TRIM45: variants seen among roughly 807,000 people sequenced by gnomAD.
TRIM45 encodes tripartite motif containing 45, also known as E3 ubiquitin-protein ligase TRIM45.
In TRIM45, 45 loss-of-function variants were observed where a neutral mutation model predicts 46.7. The ratio of observed to expected loss-of-function variants is 0.96; its 90% confidence interval spans 0.76 to 1.24. The LOEUF (loss-of-function observed/expected upper bound fraction) is 1.24. Among genes scored for constraint, TRIM45 ranks in the 50% most tolerant of loss-of-function variants. TRIM45 has a pLI of 0.00. For synonymous variants in TRIM45, 259 were observed against 285.8 expected, an observed-to-expected ratio of 0.91 and a Z score of 0.94; for missense variants, 680 against 728.4, an observed-to-expected ratio of 0.93 and a Z score of 0.77.
At position 117,115,299 on chromosome 1, in the gene TRIM45, A is replaced by G. The variant is rs982364412; in HGVS notation, c.1467+276T>C. 6.6e-6 allele frequency among the ~76,000 whole-genome samples: 1 copy of G among 152,186 alleles called. No individual in the cohort carries two copies. Among genetic ancestry groups the G allele is most frequent in the Non-Finnish European group, 1.5e-5 (1 of 68,024 alleles). On this transcript the variant is annotated intron_variant, in intron 4 of 5. Transcript: ENST00000256649. The surrounding 1 kb of genome is among the most constrained non-coding windows in gnomAD (Gnocchi z 4.2). ...GCAGATCACCCCCTGTGATCAAGAC[A>G]TCTTCTCCATATTAAGAATCCTAAG...
chr1:117,118,713 G>A lies in TRIM45; in HGVS notation c.543C>T (p.Gly181=), dbSNP rs1276157811. 6.2e-7 allele frequency: 1 copy of A among 1,613,560 alleles called. No individual in the cohort carries two copies. Among genetic ancestry groups the A allele is most frequent in the African/African-American group, 1.3e-5 (1 of 74,958 alleles). Residue 181 remains glycine, a synonymous_variant, in exon 2 of 6, where the codon GGC becomes GGT. Transcript: ENST00000256649. This position sits in a 1 kb window ranked among gnomAD's most constrained non-coding sequence, Gnocchi z 5.7. The stretch of plus-strand genomic sequence containing the variant: ...GGATGGGCTTCCCAATCCGGCTGTA[G>A]CCTTTCAAGTCTTTTAGGTCCACCA... ...HTMVDLKDLK[G]YSRIGKPILC...
Position 117,113,228 on chromosome 1 carries a change from AC to A in TRIM45, c.1594+130del. 1 of 1,304,138 alleles carries A rather than the reference AC, an allele frequency of 7.7e-7. No homozygotes were observed. The highest frequency in any genetic ancestry group is 1.1e-6 in the Non-Finnish European group (1 of 947,042). 80.8% of individuals were successfully genotyped at this position (1,304,138 alleles called of 1,614,324 possible). A position where few individuals can be genotyped will look rare whatever the true frequency, so the allele number is the denominator to read the frequency against. ...ACACTTTTAGAACAGTGGTGTCTCT[AC>A]AATCACAGACTGTGCTTCCTAGAAA... On this transcript the variant is annotated intron_variant, in intron 5 of 5. Transcript: ENST00000256649. This position sits in a 1 kb window ranked among gnomAD's most constrained non-coding sequence, Gnocchi z 4.0.
chr1:117,112,181 C>T lies in TRIM45; in HGVS notation c.*124G>A. 7 of 1,016,624 alleles carry T rather than the reference C, an allele frequency of 6.9e-6. No individual in the cohort carries two copies. Among genetic ancestry groups the T allele is most frequent in the Non-Finnish European group, 9.1e-6 (7 of 765,470 alleles). 63.0% of individuals were successfully genotyped at this position (1,016,624 alleles called of 1,614,324 possible). ...TAACTAACAAAAGAGCACTTGAACT[C>T]CAGTGCAAGATAAGGCACTTTGTTT... On this transcript the variant is annotated 3_prime_UTR_variant, in exon 6 of 6. Coordinates refer to ENST00000256649, the MANE Select transcript of TRIM45 (RefSeq NM_025188.4).
chr1:117,111,445 T>G lies in TRIM45; in HGVS notation c.*860A>C, dbSNP rs1650205186. The G allele has an allele frequency of 6.6e-6, 1 of 152,230 alleles. No homozygotes were observed. Among genetic ancestry groups the G allele is most frequent in the Non-Finnish European group, 1.5e-5 (1 of 68,014 alleles). The allele number at this position is 152,230 out of a possible 1,614,324, so 9.4% of individuals were successfully genotyped here. A position where few individuals can be genotyped will look rare whatever the true frequency, so the allele number is the denominator to read the frequency against. ...TATGCCCTTGACCAAAGAGTAATCT[T>G]CCAGGCTTTGGGGCAGAAGGCTGTC... On this transcript the variant is annotated 3_prime_UTR_variant, in exon 6 of 6. Coordinates refer to ENST00000256649, the MANE Select transcript of TRIM45 (RefSeq NM_025188.4).
Position 117,121,549 on chromosome 1 carries a change from A to ACCCCCCACCCCCCCCCCCC in TRIM45, c.-349_-348insGGGGGGGGGGGGTGGGGGG. 1 of 433,528 alleles carries ACCCCCCACCCCCCCCCCCC rather than the reference A, an allele frequency of 2.3e-6. No homozygotes were observed. Among genetic ancestry groups the ACCCCCCACCCCCCCCCCCC allele is most frequent in the Non-Finnish European group, 4.1e-6 (1 of 244,144 alleles). 26.9% of individuals were successfully genotyped at this position (433,528 alleles called of 1,614,324 possible). ...TGCACCTCTCGCTCCCTCCACTGCC[A>ACCCCCCACCCCCCCCCCCC]CCCCCCTCCCGCCGCCCGCCCCACT... On this transcript the variant is annotated 5_prime_UTR_variant, in exon 1 of 6. Coordinates refer to ENST00000256649, the MANE Select transcript of TRIM45 (RefSeq NM_025188.4). The surrounding 1 kb of genome is among the most constrained non-coding windows in gnomAD (Gnocchi z 4.2).
chr1:117,120,977 C>T lies in TRIM45; in HGVS notation c.225G>A (p.Gly75=), dbSNP rs533703990. ...RGGDSDTSSE[G]SIFQELKPRS... is the part of the protein sequence containing the mutation. ...GTGGCTTGAGTTCCTGGAATATTGA[C>T]CCCTCAGAGCTTGTGTCAGAGTCTC... Residue 75 remains glycine, a synonymous_variant, in exon 1 of 6, where the codon GGG becomes GGA. Transcript: ENST00000256649. 33 of 1,614,196 alleles carry T rather than the reference C, an allele frequency of 2.0e-5. No individual in the cohort carries two copies. Among genetic ancestry groups the T allele is most frequent in the Admixed American group, 1.8e-4 (11 of 60,030 alleles).
intron 1 of TRIM45, among the ~76,000 whole-genome samples, chr1:117,119,947 G>A (rs1356376572): frequency 2.6e-5 from 4 of 152,166 alleles, no homozygotes; most frequent in Non-Finnish European, 5.9e-5. Flanking sequence ...AGTAGAACCC[G>A]AAACCTATTT....
rs1650455171 is a variant in TRIM45, at chr1:117,117,686, C to A, written c.1222+348G>T. 6.6e-6 allele frequency among the ~76,000 whole-genome samples: 1 copy of A among 152,216 alleles called. No individual in the cohort carries two copies. The highest frequency in any genetic ancestry group is 1.9e-4 in the East Asian group (1 of 5,194). ...AATCCAGGGCCTGCCATGCTCCTCTCTGAGCAGGCAGAATTTCACCTGGCC... is the reference window on the plus strand; with the variant it reads ...AATCCAGGGCCTGCCATGCTCCTCTATGAGCAGGCAGAATTTCACCTGGCC... On this transcript the variant is annotated intron_variant, in intron 2 of 5. Coordinates refer to ENST00000256649, the MANE Select transcript of TRIM45 (RefSeq NM_025188.4). This position sits in a 1 kb window ranked among gnomAD's most constrained non-coding sequence, Gnocchi z 4.9.
Position 117,118,124 on chromosome 1 carries a change from C to G in TRIM45, c.1132G>C (p.Glu378Gln). Reference sequence around the variant, plus strand: ...TAGCCACGGCACTGGCCTGCTTTCTCCTGAGGACAGAAGCGTATCTTATCA... The same window carrying G: ...TAGCCACGGCACTGGCCTGCTTTCTGCTGAGGACAGAAGCGTATCTTATCA... ...VNDKIRFCPQ[E>Q]KAGQCRGYEI... The change falls in exon 2 of 6, where the codon GAG (glutamate) becomes CAG (glutamine). Residue 378 changes from glutamate (E) to glutamine (Q), a missense_variant. Physicochemically the swap from Glu to Gln is conservative, Grantham distance 29. Transcript: ENST00000256649. The surrounding 1 kb of genome is among the most constrained non-coding windows in gnomAD (Gnocchi z 5.7). 6.2e-7 allele frequency: 1 copy of G among 1,614,232 alleles called. No individual in the cohort carries two copies. The highest frequency in any genetic ancestry group is 8.5e-7 in the Non-Finnish European group (1 of 1,180,046).
upstream of TRIM45, chr1:117,121,913 G>A: frequency 1.4e-6 from 1 of 707,056 alleles, no homozygotes; most frequent in Admixed American, 2.1e-5. The surrounding 1 kb of genome is among the most constrained non-coding windows in gnomAD (Gnocchi z 4.2). Context: ...CTCACGCGGG[G>A]GGCGGGACCT....
Position 117,111,290 on chromosome 1 carries a change from A to G in TRIM45, c.*1015T>C, listed in dbSNP as rs980061413. On this transcript the variant is annotated 3_prime_UTR_variant, in exon 6 of 6. Transcript: ENST00000256649. ...TATAGATAACAGTGAAGACTACTCT[A>G]AAGACTACTCTACTAAAAAACAGAG... The G allele has an allele frequency of 1.3e-5, 2 of 152,236 alleles. No individual in the cohort carries two copies. The highest frequency in any genetic ancestry group is 4.8e-5 in the African/African-American group (2 of 41,458). 9.4% of individuals were successfully genotyped at this position (152,236 alleles called of 1,614,324 possible). A position where few individuals can be genotyped will look rare whatever the true frequency, so the allele number is the denominator to read the frequency against.
Position 117,121,281 on chromosome 1 carries a change from A to C in TRIM45, c.-80T>G. ...AGTAGCAGGTGATTAAGCCCACCCA[A>C]AGAGAAAGTCTCCAGAACTTGAACA... On this transcript the variant is annotated 5_prime_UTR_variant, in exon 1 of 6. Transcript: ENST00000256649. This position sits in a 1 kb window ranked among gnomAD's most constrained non-coding sequence, Gnocchi z 4.2. 2 of 1,479,538 alleles carry C rather than the reference A, an allele frequency of 1.4e-6. No homozygotes were observed. Among genetic ancestry groups the C allele is most frequent in the Non-Finnish European group, 1.8e-6 (2 of 1,117,592 alleles). The allele number at this position is 1,479,538 out of a possible 1,614,324, so 91.7% of individuals were successfully genotyped here.
At chr1:117,119,830 G>C (rs186566105) in intron 1 of TRIM45, among the ~76,000 whole-genome samples, 166 of 152,276 alleles carry the variant, frequency 1.1e-3, no homozygotes, top group Non-Finnish European at 2.5e-4. Context: ...GGGTTAGCTG[G>C]TTTGGCTGGC....
chr1:117,114,520 C>T (rs1157557867), intron 4 of TRIM45, among the ~76,000 whole-genome samples: 4 of 152,076 alleles, frequency 2.6e-5, no homozygotes, highest in Non-Finnish European at 5.9e-5. Context: ...ACATTGTTTG[C>T]GAAAACGCAA....
Position 117,121,314 on chromosome 1 carries a change from T to G in TRIM45, c.-113A>C. ...GTCTCCAGAACTTGAACAGAGACCA[T>G]GGGGACTCCCTCGCTGACAAATAAA... On this transcript the variant is annotated 5_prime_UTR_variant, in exon 1 of 6. It removes an upstream start codon present in the reference 5' UTR. Transcript: ENST00000256649. This position sits in a 1 kb window ranked among gnomAD's most constrained non-coding sequence, Gnocchi z 4.2. 1.5e-6 allele frequency: 2 copies of G among 1,296,602 alleles called. No homozygotes were observed. Among genetic ancestry groups the G allele is most frequent in the Non-Finnish European group, 2.1e-6 (2 of 954,720 alleles). 80.3% of individuals were successfully genotyped at this position (1,296,602 alleles called of 1,614,324 possible).
rs1288143517 is a variant in TRIM45 at position 117,112,264 on chromosome 1, G to A, written c.*41C>T. 6.7e-7 allele frequency: 1 copy of A among 1,481,622 alleles called. No individual in the cohort carries two copies. The highest frequency in any genetic ancestry group is 2.3e-5 in the Admixed American group (1 of 43,918). 91.8% of individuals were successfully genotyped at this position (1,481,622 alleles called of 1,614,324 possible). A position where few individuals can be genotyped will look rare whatever the true frequency, so the allele number is the denominator to read the frequency against. Reference sequence around the variant, plus strand: ...GGTCTGGGTCCTCTGGAAATCTCAAGTGGTGCTGCCTGCAGCTTTAAAAGG... The same window carrying A: ...GGTCTGGGTCCTCTGGAAATCTCAAATGGTGCTGCCTGCAGCTTTAAAAGG... On this transcript the variant is annotated 3_prime_UTR_variant, in exon 6 of 6. Coordinates refer to ENST00000256649, the MANE Select transcript of TRIM45 (RefSeq NM_025188.4).
At chr1:117,123,625 CT>C (rs111567538), upstream of TRIM45, among the ~76,000 whole-genome samples, 1,589 of 143,936 alleles carry the variant, frequency 0.011, 24 homozygotes, top group African/African-American at 0.031. Flanking sequence ...CTACCTTTCC[CT>C]TTTTTTTTTT....
intron 5 of TRIM45, 132 bp from the exon 6 acceptor site, chr1:117,112,585 G>C (rs1650260184): frequency 2.3e-6 from 2 of 883,860 alleles, no homozygotes; most frequent in African/African-American, 3.4e-5. Flanking sequence ...GAAAATCTTG[G>C]CAAGAGGAAC....
rs1650621625 is a variant in TRIM45 at position 117,121,335 on chromosome 1, A to G, written c.-134T>C. On this transcript the variant is annotated 5_prime_UTR_variant, in exon 1 of 6. Transcript: ENST00000256649. The surrounding 1 kb of genome is among the most constrained non-coding windows in gnomAD (Gnocchi z 4.2). Reference sequence around the variant, plus strand: ...ACCATGGGGACTCCCTCGCTGACAAATAAAAGGGCAGACGGGAAGACGAGG... The same window carrying G: ...ACCATGGGGACTCCCTCGCTGACAAGTAAAAGGGCAGACGGGAAGACGAGG... 9.1e-7 allele frequency: 1 copy of G among 1,100,208 alleles called. No individual in the cohort carries two copies. Among genetic ancestry groups the G allele is most frequent in the Non-Finnish European group, 1.3e-6 (1 of 781,954 alleles). 68.2% of individuals were successfully genotyped at this position (1,100,208 alleles called of 1,614,324 possible).
Sources: gnomAD v4.1 joint callset for allele counts (sites outside exome capture counted in the v4.1 genomes callset) on GRCh38, gnomAD v4.1.1 for gene constraint, Gnocchi (gnomAD v3.1) non-coding constraint, MANE v1.5 for transcripts, NCBI Gene and HGNC (gene_info 2026-07-23, HGNC 2026-07-21) for gene names.